Variants in PDE1A observed in about 807,000 individuals in gnomAD.
The protein encoded by PDE1A is phosphodiesterase 1A.
A neutral mutation model predicts 61.7 loss-of-function variants in PDE1A; 35 were observed. The observed-to-expected ratio is 0.57, with a 90% CI of 0.43 to 0.75. The LOEUF (loss-of-function observed/expected upper bound fraction) is 0.75, where lower values mean the gene tolerates loss of function less well. Among genes scored for constraint, PDE1A ranks in the 30% least tolerant of loss-of-function variants. The pLI is 0.00. For missense variants in PDE1A, 597 were observed against 630.6 expected (o/e 0.95, Z 0.57); for synonymous variants, 232 against 213.2 (o/e 1.09, Z -0.77).
At chr2:182,646,308 T>C in the PDE1A span, among the ~76,000 whole-genome samples, 89,659 of 142,616 alleles carry the variant, frequency 0.63, 27,817 homozygotes, top group Admixed American at 0.73. Context: ...AAAAAAAAAA[T>C]GGGCATAGTG....
intron 10 of PDE1A, among the ~76,000 whole-genome samples, chr2:182,201,027 C>T (rs1686582407): frequency 1.3e-5 from 2 of 152,064 alleles, no homozygotes; most frequent in South Asian, 4.2e-4. Context: ...GGCATGTGTC[C>T]ACCCAGCTAA....
At chr2:182,537,874 C>T in the PDE1A span, among the ~76,000 whole-genome samples, 7 of 151,850 alleles carry the variant, frequency 4.6e-5, no homozygotes, top group Admixed American at 2.6e-4. Context: ...CCTGAAAAGT[C>T]CTGGAATTTT....
chr2:182,468,000 T>C (rs1049789098), intron 2 of PDE1A, among the ~76,000 whole-genome samples: 1 of 152,036 alleles, frequency 6.6e-6, no homozygotes, highest in South Asian at 2.1e-4. Context: ...AATTCTTTAT[T>C]GCTAAAACAT....
chr2:182,239,899 C>T (rs895558535), intron 3 of PDE1A, among the ~76,000 whole-genome samples: 2 of 152,132 alleles, frequency 1.3e-5, no homozygotes, highest in African/African-American at 4.8e-5. Flanking sequence ...TTCATGTCAA[C>T]TTAAAATAAA....
intron 10 of PDE1A, among the ~76,000 whole-genome samples, chr2:182,200,901 T>C (rs114010362): frequency 0.015 from 2,348 of 152,280 alleles, 33 homozygotes; most frequent in Middle Eastern, 0.058. Flanking sequence ...AACAGGGACA[T>C]GTATAAAGAA....
the PDE1A span, among the ~76,000 whole-genome samples, chr2:182,631,100 C>A: frequency 1.3e-5 from 2 of 151,986 alleles, no homozygotes; most frequent in Non-Finnish European, 2.9e-5. Flanking sequence ...AATCTGCTGT[C>A]TGCAAGCTGG....
intron 2 of PDE1A, among the ~76,000 whole-genome samples, chr2:182,461,877 T>A (rs1311336508): frequency 6.6e-6 from 1 of 152,082 alleles, no homozygotes; most frequent in Non-Finnish European, 1.5e-5. Context: ...CTCTTCACAC[T>A]CACAAATCCA....
chr2:182,529,289 A>T, the PDE1A span, among the ~76,000 whole-genome samples: 1 of 152,160 alleles, frequency 6.6e-6, no homozygotes, highest in South Asian at 2.1e-4. Context: ...GTCAAAGGAG[A>T]TCATTTTGGA....
chr2:182,362,790 C>T (rs1206059690), intron 1 of PDE1A, among the ~76,000 whole-genome samples: 1 of 151,992 alleles, frequency 6.6e-6, no homozygotes, highest in Non-Finnish European at 1.5e-5. Flanking sequence ...GCACTATTCA[C>T]AATAGCAAAG....
At chr2:182,385,372 T>C (rs2125339525) in intron 1 of PDE1A, among the ~76,000 whole-genome samples, 1 of 151,856 alleles carries the variant, frequency 6.6e-6, no homozygotes, top group African/African-American at 2.4e-5. Flanking sequence ...TTAAGAAATA[T>C]GAAATATAAA....
the PDE1A span, among the ~76,000 whole-genome samples, chr2:182,621,876 A>T: frequency 6.6e-6 from 1 of 152,348 alleles, no homozygotes; most frequent in Admixed American, 6.5e-5. Flanking sequence ...ATTACAGTTC[A>T]TGCATATTCC....
intron 1 of PDE1A, among the ~76,000 whole-genome samples, chr2:182,273,614 C>T (rs1693196074): frequency 6.6e-6 from 1 of 151,910 alleles, no homozygotes; most frequent in African/African-American, 2.4e-5. Flanking sequence ...TATGATGAAA[C>T]AAACTATGAT....
intron 2 of PDE1A, among the ~76,000 whole-genome samples, chr2:182,491,020 C>T (rs540351937): frequency 1.3e-5 from 2 of 152,148 alleles, no homozygotes; most frequent in African/African-American, 4.8e-5. Context: ...TTAAAATAAT[C>T]ATTCATGGTT....
chr2:182,271,963 G>A (rs1194186011), intron 1 of PDE1A, among the ~76,000 whole-genome samples: 5 of 152,090 alleles, frequency 3.3e-5, no homozygotes, highest in African/African-American at 2.4e-5. Flanking sequence ...AATAAATGGT[G>A]ATGAAAGGGC....
the PDE1A span, among the ~76,000 whole-genome samples, chr2:182,569,258 T>TATATATATATATATATATATATATAC: frequency 1.4e-5 from 2 of 145,500 alleles, no homozygotes; most frequent in Non-Finnish European, 3.0e-5. Context: ...GTCTCAAATA[T>TATATATATATATATATATATATATAC]ATATATATAT....
chr2:182,453,945 G>A (rs567295184), intron 2 of PDE1A, among the ~76,000 whole-genome samples: 103 of 151,890 alleles, frequency 6.8e-4, no homozygotes, highest in African/African-American at 2.4e-3. Context: ...AGGAAATAAA[G>A]GGTATTCAAT....
chr2:182,249,359 G>A (rs1171858685), intron 2 of PDE1A, among the ~76,000 whole-genome samples: 1 of 152,214 alleles, frequency 6.6e-6, no homozygotes, highest in Non-Finnish European at 1.5e-5. Context: ...ACTGGGAAGA[G>A]CAGGGAATTC....
chr2:182,660,911 A>G, the PDE1A span, among the ~76,000 whole-genome samples: 1 of 152,206 alleles, frequency 6.6e-6, no homozygotes, highest in Non-Finnish European at 1.5e-5. Context: ...ATAATAAATT[A>G]GCAGTGTTAT....
At chr2:182,645,188 A>C in the PDE1A span, among the ~76,000 whole-genome samples, 1 of 152,042 alleles carries the variant, frequency 6.6e-6, no homozygotes, top group Non-Finnish European at 1.5e-5. Flanking sequence ...GGGTTTCACC[A>C]TGTTAGCCAG....
Sources: allele counts gnomAD v4.1 joint callset (sites outside exome capture counted in the v4.1 genomes callset), GRCh38; gene constraint gnomAD v4.1.1; transcripts MANE v1.5; gene names NCBI Gene and HGNC (gene_info 2026-07-23, HGNC 2026-07-21).